The following HEMK2 variants were observed in gnomAD, a reference collection of about 807,000 sequenced individuals.
HEMK2 encodes the protein methyltransferase HEMK2.
chr21:28,720,689 C>A, the HEMK2 span, among the ~76,000 whole-genome samples: 2 of 152,104 alleles, frequency 1.3e-5, no homozygotes, highest in East Asian at 1.9e-4. Context: ...GCCGAGATTG[C>A]GCCACTGCAC....
At chr21:28,679,059 G>A in the HEMK2 span, among the ~76,000 whole-genome samples, 8 of 152,156 alleles carry the variant, frequency 5.3e-5, no homozygotes, top group South Asian at 4.1e-4. Context: ...AACCTTAAAT[G>A]TAAATGGGCT....
chr21:28,578,914 A>C, the HEMK2 span, among the ~76,000 whole-genome samples: 1 of 152,232 alleles, frequency 6.6e-6, no homozygotes, highest in Non-Finnish European at 1.5e-5. Context: ...CCTAAAAAAC[A>C]GATTTACCTC....
At chr21:28,664,152 G>T in the HEMK2 span, among the ~76,000 whole-genome samples, 1 of 152,110 alleles carries the variant, frequency 6.6e-6, no homozygotes, top group Non-Finnish European at 1.5e-5. Context: ...GTTCTTTGAT[G>T]CTTGATTCTT....
chr21:28,866,474 C>T, the HEMK2 span, among the ~76,000 whole-genome samples: 1 of 150,980 alleles, frequency 6.6e-6, no homozygotes, highest in African/African-American at 2.4e-5. Flanking sequence ...AGCACACATT[C>T]TTCTCTACAG....
chr21:28,823,473 C>T, the HEMK2 span, among the ~76,000 whole-genome samples: 4 of 152,262 alleles, frequency 2.6e-5, 1 homozygote, highest in African/African-American at 7.2e-5. Flanking sequence ...TTGGCTGGTG[C>T]TTTTTGTTGT....
the HEMK2 span, among the ~76,000 whole-genome samples, chr21:28,853,950 G>A: frequency 6.6e-6 from 1 of 152,148 alleles, no homozygotes; most frequent in African/African-American, 2.4e-5. Context: ...TTTCACTGCA[G>A]GTCAGCCATA....
the HEMK2 span, among the ~76,000 whole-genome samples, chr21:28,780,805 C>T: frequency 6.6e-6 from 1 of 151,966 alleles, no homozygotes; most frequent in African/African-American, 2.4e-5. Context: ...TTCTGCACTT[C>T]TATTTTATTT....
At chr21:28,685,217 A>G in the HEMK2 span, among the ~76,000 whole-genome samples, 1 of 152,214 alleles carries the variant, frequency 6.6e-6, no homozygotes, top group Non-Finnish European at 1.5e-5. Context: ...TTGCCTTGCC[A>G]TATGTTTTCC....
chr21:28,619,888 C>T, the HEMK2 span, among the ~76,000 whole-genome samples: 3 of 152,148 alleles, frequency 2.0e-5, no homozygotes, highest in African/African-American at 4.8e-5. Context: ...CACATGACTT[C>T]GTAAATCTAA....
the HEMK2 span, among the ~76,000 whole-genome samples, chr21:28,877,005 G>GAGGGAGGA: frequency 1.2e-3 from 43 of 34,544 alleles, no homozygotes; most frequent in African/African-American, 3.3e-3. Context: ...GGGAGGGAGG[G>GAGGGAGGA]AGGAAGGAAG....
chr21:28,736,309 T>C, the HEMK2 span, among the ~76,000 whole-genome samples: 2 of 152,204 alleles, frequency 1.3e-5, no homozygotes. Flanking sequence ...CTCTATTTCC[T>C]AGCTGCTCCA....
At chr21:28,881,975 C>G in the HEMK2 span, among the ~76,000 whole-genome samples, 5 of 152,184 alleles carry the variant, frequency 3.3e-5, no homozygotes, top group Non-Finnish European at 7.3e-5. Context: ...ACTGGGTTCA[C>G]TATCACTTCT....
the HEMK2 span, among the ~76,000 whole-genome samples, chr21:28,830,278 A>G: frequency 2.6e-5 from 4 of 151,982 alleles, no homozygotes; most frequent in South Asian, 8.3e-4. Flanking sequence ...ATGGGGGCAG[A>G]TTTCTCCCTT....
At chr21:28,733,979 T>C in the HEMK2 span, among the ~76,000 whole-genome samples, 16 of 61,882 alleles carry the variant, frequency 2.6e-4, no homozygotes, top group African/African-American at 9.9e-4. Flanking sequence ...TTTTGGTTCA[T>C]TTAGGGATGG....
At chr21:28,640,723 C>G in the HEMK2 span, among the ~76,000 whole-genome samples, 1 of 152,130 alleles carries the variant, frequency 6.6e-6, no homozygotes, top group Non-Finnish European at 1.5e-5. Flanking sequence ...TAGGACTTGG[C>G]TGATTGATCC....
the HEMK2 span, among the ~76,000 whole-genome samples, chr21:28,745,444 C>T: frequency 8.5e-5 from 13 of 152,184 alleles, no homozygotes; most frequent in African/African-American, 2.4e-5. Context: ...TAGACCCGGA[C>T]GAGAGGGGCC....
the HEMK2 span, among the ~76,000 whole-genome samples, chr21:28,734,293 G>A: frequency 2.0e-4 from 30 of 152,230 alleles, no homozygotes; most frequent in South Asian, 1.7e-3. Context: ...ATAAATATAC[G>A]TTTTAAACTC....
chr21:28,779,604 T>C, the HEMK2 span, among the ~76,000 whole-genome samples: 1 of 152,192 alleles, frequency 6.6e-6, no homozygotes, highest in East Asian at 1.9e-4. Context: ...TAAGAGTACA[T>C]TTCAAACATC....
the HEMK2 span, among the ~76,000 whole-genome samples, chr21:28,730,891 G>A: frequency 6.6e-6 from 1 of 151,690 alleles, no homozygotes; most frequent in Non-Finnish European, 1.5e-5. Flanking sequence ...ATATTATAGG[G>A]GCCCTTCTCA....
Sources: allele counts gnomAD v4.1 joint callset (sites outside exome capture counted in the v4.1 genomes callset), GRCh38; gene constraint gnomAD v4.1.1; transcripts MANE v1.5; gene names NCBI Gene and HGNC (gene_info 2026-07-23, HGNC 2026-07-21).